HS1BP3: variants seen among roughly 807,000 people sequenced by gnomAD.
The protein encoded by HS1BP3 is HCLS1 binding protein 3.
HS1BP3 carries 32 observed loss-of-function variants against 33.5 expected under a neutral mutation model. That is an observed-to-expected ratio of 0.95 (90% confidence interval 0.72 to 1.28). The LOEUF (loss-of-function observed/expected upper bound fraction) is 1.28. HS1BP3 is among the 50% of genes most tolerant of loss of function. HS1BP3 has a pLI of 0.00. For synonymous variants in HS1BP3, 187 were observed against 209.2 expected (o/e 0.89, Z 0.92); for missense variants, 486 against 502.3 (o/e 0.97, Z 0.31).
chr2:20,606,577 G>A (rs1694183439), intron 2 of HS1BP3: 3 of 489,118 alleles, frequency 6.1e-6, no homozygotes, highest in Non-Finnish European at 8.2e-6. Flanking sequence ...CCTTGTCCCC[G>A]GATTTGCTCA....
intron 5 of HS1BP3, 130 bp downstream of exon 5, chr2:20,624,602 T>G: frequency 8.4e-6 from 7 of 834,116 alleles, no homozygotes; most frequent in East Asian, 8.0e-5. Flanking sequence ...CAAAGCTGAG[T>G]CTATATCACA....
intron 2 of HS1BP3, among the ~76,000 whole-genome samples, chr2:20,604,029 C>A (rs959845264): frequency 1.3e-5 from 2 of 152,234 alleles, no homozygotes; most frequent in Admixed American, 6.5e-5. Context: ...AAGACCCCTG[C>A]CCTCAGAAGG....
chr2:20,619,208 C>A lies in HS1BP3; in HGVS notation c.958G>T (p.Ala320Ser). Reference sequence around the variant, plus strand: ...AGCTGGGGCTTGGGTTTGGGCTCAGCTCCCAGGTTCAGAATCTGGTCCAAG... The same window carrying A: ...AGCTGGGGCTTGGGTTTGGGCTCAGATCCCAGGTTCAGAATCTGGTCCAAG... ...EDLDQILNLGAEPKPKPQLKP... is the reference protein window; with the variant it reads ...EDLDQILNLGSEPKPKPQLKP... Residue 320 changes from alanine (A) to serine (S), a missense_variant, in exon 7 of 7, where the codon GCT (alanine) becomes TCT (serine). Physicochemically the swap from Ala to Ser is moderately conservative, Grantham distance 99. Coordinates refer to ENST00000304031, the MANE Select transcript of HS1BP3 (RefSeq NM_022460.4). The A allele has an allele frequency of 6.2e-7, 1 of 1,612,526 alleles. No individual in the cohort carries two copies.
downstream of HS1BP3, among the ~76,000 whole-genome samples, chr2:20,559,309 C>T (rs73916863): frequency 0.017 from 2,624 of 152,352 alleles, 37 homozygotes; most frequent in Middle Eastern, 0.075. Context: ...CCATGAGGCC[C>T]GATCTGACTC....
chr2:20,559,257 G>T (rs560491794), downstream of HS1BP3, among the ~76,000 whole-genome samples: 1 of 152,194 alleles, frequency 6.6e-6, no homozygotes, highest in African/African-American at 2.4e-5. Flanking sequence ...CTCCAGGCAG[G>T]TTGGAATTGC....
chr2:20,572,052 G>T (rs1177415884), intron 5 of HS1BP3, among the ~76,000 whole-genome samples: 2 of 152,214 alleles, frequency 1.3e-5, no homozygotes, highest in African/African-American at 4.8e-5. Context: ...AAGAGCAAGG[G>T]CTGGGACTGA....
At chr2:20,630,768 T>A (rs888634445) in intron 4 of HS1BP3, among the ~76,000 whole-genome samples, 2 of 151,974 alleles carry the variant, frequency 1.3e-5, no homozygotes, top group South Asian at 2.1e-4. Context: ...AAGGCCAGGA[T>A]GGAAAAACGA....
At chr2:20,578,164 G>C (rs1363751255) in intron 5 of HS1BP3, among the ~76,000 whole-genome samples, 1 of 152,208 alleles carries the variant, frequency 6.6e-6, no homozygotes, top group African/African-American at 2.4e-5. Flanking sequence ...CTGTGCCCTT[G>C]AATCAGGGCT....
At chr2:20,568,020 C>T (rs1693177961) in intron 5 of HS1BP3, among the ~76,000 whole-genome samples, 1 of 152,196 alleles carries the variant, frequency 6.6e-6, no homozygotes, top group African/African-American at 2.4e-5. Context: ...TAGGGCTGGT[C>T]TCGCTCAGTG....
chr2:20,609,648 C>T (rs1247279380), intron 2 of HS1BP3, among the ~76,000 whole-genome samples: 1 of 152,186 alleles, frequency 6.6e-6, no homozygotes, highest in South Asian at 2.1e-4. Flanking sequence ...TCCCCATTCA[C>T]CTGTCCAGGA....
intron 6 of HS1BP3, 88 bp from the exon 7 acceptor site, chr2:20,619,333 G>A: frequency 8.3e-7 from 1 of 1,212,080 alleles, no homozygotes; most frequent in Non-Finnish European, 1.1e-6. Flanking sequence ...GCCCACACGG[G>A]GCTGGGCAGC....
At chr2:20,558,341 G>A (rs905669264), downstream of HS1BP3, among the ~76,000 whole-genome samples, 2 of 152,274 alleles carry the variant, frequency 1.3e-5, no homozygotes, top group East Asian at 1.9e-4. Context: ...AGGCTGAACC[G>A]CTTGCGGCCC....
chr2:20,580,347 C>T lies in HS1BP3; in HGVS notation c.303-19832G>A, dbSNP rs145205130. Among the ~76,000 whole-genome samples, 1,192 of 152,222 alleles carry T rather than the reference C, an allele frequency of 7.8e-3. 17 individuals carry two copies. Among genetic ancestry groups the T allele is most frequent in the African/African-American group, 0.027 (1,113 of 41,526 alleles). On this transcript the variant is annotated intron_variant, in intron 5 of 5. Transcript: ENST00000446825. Reference sequence around the variant, plus strand: ...CAGCCTGGGCGACACAGTGAAACCTCGTCTCTACTAAAATACAAAAAATTA... The same window carrying T: ...CAGCCTGGGCGACACAGTGAAACCTTGTCTCTACTAAAATACAAAAAATTA...
intron 2 of HS1BP3, among the ~76,000 whole-genome samples, chr2:20,643,255 G>A (rs1217563104): frequency 1.3e-5 from 2 of 152,190 alleles, no homozygotes; most frequent in Admixed American, 1.3e-4. Context: ...GATTCATGGA[G>A]GTGTTAAAAC....
Position 20,606,665 on chromosome 2 carries a change from A to G in HS1BP3, c.179-8400T>C, listed in dbSNP as rs184978808. On this transcript the variant is annotated intron_variant, in intron 2 of 3. Coordinates refer to the HS1BP3 transcript ENST00000415264. ...GTCCTTGGGTGGCATTGCAAAGCTC[A>G]GAGAGCAGCGGTGAACGCTACAGCC... 64 of 425,108 alleles carry G rather than the reference A, an allele frequency of 1.5e-4. No individual in the cohort carries two copies. In the East Asian group the frequency reaches 3.3e-3, roughly 22 times the overall value. The allele number at this position is 425,108 out of a possible 1,614,324, so 26.3% of individuals were successfully genotyped here.
rs571342893 is a variant in HS1BP3 at position 20,576,518 on chromosome 2, C to T, written c.303-16003G>A. Among the ~76,000 whole-genome samples, 9 of 152,312 alleles carry T rather than the reference C, an allele frequency of 5.9e-5. No individual in the cohort carries two copies. In the East Asian group the frequency reaches 1.7e-3, roughly 29 times the overall value. ...CCTCCCTGAGGCTCTAGTCTAGAGC[C>T]TGAAAATATCAGAGGAGGGCTGGAA... is the stretch of plus-strand genomic sequence containing the variant. On this transcript the variant is annotated intron_variant, in intron 5 of 5. Coordinates refer to the HS1BP3 transcript ENST00000446825.
chr2:20,591,432 G>A (rs1693811133), downstream of HS1BP3, among the ~76,000 whole-genome samples: 1 of 152,206 alleles, frequency 6.6e-6, no homozygotes, highest in African/African-American at 2.4e-5. Context: ...GCCCCAGAGA[G>A]CCACAAGCAC....
At chr2:20,616,270 G>C (rs1194075069), downstream of HS1BP3, among the ~76,000 whole-genome samples, 2 of 152,312 alleles carry the variant, frequency 1.3e-5, no homozygotes, top group East Asian at 3.9e-4. Flanking sequence ...AAAATCTTGG[G>C]GGGGATAGAG....
At chr2:20,612,594 A>G (rs561868444) in intron 2 of HS1BP3, among the ~76,000 whole-genome samples, 1 of 152,306 alleles carries the variant, frequency 6.6e-6, no homozygotes, top group African/African-American at 2.4e-5. Context: ...AGCTTCTGTC[A>G]CTTAACATGA....
Sources: gnomAD v4.1 joint callset for allele counts (sites outside exome capture counted in the v4.1 genomes callset) on GRCh38, gnomAD v4.1.1 for gene constraint, MANE v1.5 for transcripts, NCBI Gene and HGNC (gene_info 2026-07-23, HGNC 2026-07-21) for gene names.